Variants in MLLT3 observed in about 807,000 individuals in gnomAD.
MLLT3 encodes the protein protein AF-9.
MLLT3 carries 4 observed loss-of-function variants against 53.2 expected under a neutral mutation model. The observed-to-expected ratio is 0.08, with a 90% CI of 0.04 to 0.17. MLLT3 has a LOEUF of 0.17. Ranked by LOEUF, MLLT3 falls within the 10% of genes least tolerant of loss-of-function variation. The probability of loss-of-function intolerance (pLI) is 1.00; values close to 1 mark genes in which losing one functional copy is unlikely to be tolerated. For missense variants in MLLT3, 569 were observed against 684.0 expected, an observed-to-expected ratio of 0.83 and a Z score of 1.87; for synonymous variants, 283 against 230.6, an observed-to-expected ratio of 1.23 and a Z score of -2.06.
chr9:20,378,686 T>C (rs1821834741), intron 5 of MLLT3, among the ~76,000 whole-genome samples: 1 of 152,112 alleles, frequency 6.6e-6, no homozygotes, highest in Admixed American at 6.6e-5. Flanking sequence ...ATAATCAGTC[T>C]AAATGTGCTA....
chr9:20,400,119 C>G (rs1340124205), intron 5 of MLLT3, among the ~76,000 whole-genome samples: 1 of 151,774 alleles, frequency 6.6e-6, no homozygotes, highest in East Asian at 1.9e-4. Flanking sequence ...ATGGTCTGGC[C>G]CAGAAAAACA....
At chr9:20,370,552 CTAGGCTGCAG>C (rs1294783455) in intron 5 of MLLT3, among the ~76,000 whole-genome samples, 6 of 151,990 alleles carry the variant, frequency 3.9e-5, no homozygotes, top group Admixed American at 3.9e-4. Context: ...CTCTTGTTGC[CTAGGCTGCAG>C]TACAATGGCA....
intron 5 of MLLT3, among the ~76,000 whole-genome samples, chr9:20,406,512 T>C (rs1473813040): frequency 6.6e-6 from 1 of 151,758 alleles, no homozygotes; most frequent in Non-Finnish European, 1.5e-5. Context: ...TTTATCATAC[T>C]TAAAAAAATA....
rs768480354 is a variant in MLLT3 at position 20,500,057 on chromosome 9, C to T, written c.194-43271G>A. 1.3e-3 allele frequency among the ~76,000 whole-genome samples: 204 copies of T among 152,306 alleles called. 2 individuals are homozygous for T. The highest frequency in any genetic ancestry group is 1.1e-3 in the Non-Finnish European group (78 of 68,024). ...AACATGTTCCAATTATCTATTGATA[C>T]ATAATAAGTCACCATCAAGCTTAGT... is the stretch of plus-strand genomic sequence containing the variant. On this transcript the variant is annotated intron_variant, in intron 2 of 10. Coordinates refer to ENST00000380338, the MANE Select transcript of MLLT3 (RefSeq NM_004529.4).
chr9:20,407,763 CAAT>C (rs1311983898), intron 5 of MLLT3, among the ~76,000 whole-genome samples: 9 of 151,838 alleles, frequency 5.9e-5, no homozygotes, highest in African/African-American at 9.7e-5. Context: ...CATAAAATGG[CAAT>C]AATAATAATA....
At chr9:20,454,232 A>AGT (rs137999564) in intron 3 of MLLT3, among the ~76,000 whole-genome samples, 7,527 of 149,328 alleles carry the variant, frequency 0.05, 352 homozygotes, top group African/African-American at 0.13. Flanking sequence ...AGAAGACTGA[A>AGT]GTGTGTGTGT....
chr9:20,618,529 C>A (rs1820896461), intron 2 of MLLT3, among the ~76,000 whole-genome samples: 1 of 152,094 alleles, frequency 6.6e-6, no homozygotes, highest in African/African-American at 2.4e-5. Context: ...AGCACGCATA[C>A]AAATAAAAAT....
chr9:20,446,305 G>A (rs969962418), intron 4 of MLLT3, among the ~76,000 whole-genome samples: 1 of 152,136 alleles, frequency 6.6e-6, no homozygotes, highest in Non-Finnish European at 1.5e-5. Context: ...GCTTCAAACA[G>A]CACTTAAACA....
intron 2 of MLLT3, among the ~76,000 whole-genome samples, chr9:20,472,769 A>G (rs1824426991): frequency 6.6e-6 from 1 of 152,084 alleles, no homozygotes; most frequent in Non-Finnish European, 1.5e-5. Context: ...TCTAAACCAT[A>G]TCCTTTCTTT....
chr9:20,621,065 C>A lies in MLLT3; in HGVS notation c.13-231G>T, dbSNP rs967861057. 1 of 671,016 alleles carries A rather than the reference C, an allele frequency of 1.5e-6. No individual in the cohort carries two copies. Among genetic ancestry groups the A allele is most frequent in the African/African-American group, 1.8e-5 (1 of 56,054 alleles). The allele number at this position is 671,016 out of a possible 1,614,324, so 41.6% of individuals were successfully genotyped here. A position where few individuals can be genotyped will look rare whatever the true frequency, so the allele number is the denominator to read the frequency against. On this transcript the variant is annotated intron_variant, in intron 1 of 10. Transcript: ENST00000380338. This position sits in a 1 kb window ranked among gnomAD's most constrained non-coding sequence, Gnocchi z 7.0. ...GGCGCCCCGGGCCCCGCATCTACAT[C>A]GGACAGGATTGTAACGGAATGTTAT...
At chr9:20,610,588 A>G (rs933224470) in intron 2 of MLLT3, among the ~76,000 whole-genome samples, 4 of 152,138 alleles carry the variant, frequency 2.6e-5, no homozygotes, top group Admixed American at 1.3e-4. Flanking sequence ...CTGCCTTTAT[A>G]CGGTTGCCAA....
At chr9:20,512,521 T>C (rs1817780749) in intron 2 of MLLT3, among the ~76,000 whole-genome samples, 3 of 152,352 alleles carry the variant, frequency 2.0e-5, no homozygotes, top group Middle Eastern at 3.4e-3. Context: ...ATAATGGCTA[T>C]TGTTGCAGAA....
chr9:20,484,223 C>T (rs183860765), intron 2 of MLLT3, among the ~76,000 whole-genome samples: 33 of 152,198 alleles, frequency 2.2e-4, no homozygotes, highest in Admixed American at 1.2e-3. Flanking sequence ...GAAATCTTAC[C>T]AAATAAATTT....
intron 9 of MLLT3, 64 bp downstream of exon 9, chr9:20,354,744 C>A: frequency 2.8e-6 from 3 of 1,071,604 alleles, no homozygotes; most frequent in Non-Finnish European, 2.9e-6. Flanking sequence ...TGATCAAGGG[C>A]AACACAAAGA....
chr9:20,476,933 A>G (rs1430604416), intron 2 of MLLT3, among the ~76,000 whole-genome samples: 5 of 152,184 alleles, frequency 3.3e-5, no homozygotes, highest in Admixed American at 6.5e-5. Context: ...AGTCTTTTCC[A>G]TCTGTGAATA....
Position 20,621,185 on chromosome 9 carries a change from TGCC to T in MLLT3, c.13-354_13-352del. 6.6e-6 allele frequency among the ~76,000 whole-genome samples: 1 copy of T among 152,306 alleles called. No homozygotes were observed. Among genetic ancestry groups the T allele is most frequent in the Admixed American group, 6.5e-5 (1 of 15,306 alleles). On this transcript the variant is annotated intron_variant, in intron 1 of 10. Coordinates refer to ENST00000380338, the MANE Select transcript of MLLT3 (RefSeq NM_004529.4). This position sits in a 1 kb window ranked among gnomAD's most constrained non-coding sequence, Gnocchi z 7.0. ...GCATCGGAAACAAATCAGAAGGCGA[TGCC>T]GGGGCGGTTTCCCGGCGTGGGAGGG... is the stretch of plus-strand genomic sequence containing the variant.
intron 2 of MLLT3, among the ~76,000 whole-genome samples, chr9:20,587,918 T>C (rs1344878724): frequency 6.6e-6 from 1 of 152,074 alleles, no homozygotes; most frequent in African/African-American, 2.4e-5. Flanking sequence ...TCCTTGCCCA[T>C]GCCTATGTCC....
intron 5 of MLLT3, among the ~76,000 whole-genome samples, chr9:20,371,631 C>A (rs534346582): frequency 9.1e-4 from 139 of 152,310 alleles, no homozygotes; most frequent in Non-Finnish European, 1.7e-3. Context: ...ACCTACTACT[C>A]ACAATAAAAG....
At chr9:20,560,201 A>T (rs1294875924) in intron 2 of MLLT3, among the ~76,000 whole-genome samples, 1 of 152,202 alleles carries the variant, frequency 6.6e-6, no homozygotes, top group African/African-American at 2.4e-5. Context: ...GCTGCCATGC[A>T]TAAGTTAAAG....
Sources: allele counts gnomAD v4.1 joint callset (sites outside exome capture counted in the v4.1 genomes callset), GRCh38; gene constraint gnomAD v4.1.1; non-coding constraint Gnocchi (gnomAD v3.1); transcripts MANE v1.5; gene names NCBI Gene and HGNC (gene_info 2026-07-23, HGNC 2026-07-21).